Variants in RALA observed in about 807,000 individuals in gnomAD.
RALA encodes RAS like proto-oncogene A.
In RALA, 5 loss-of-function variants were observed where a neutral mutation model predicts 24.0. The observed-to-expected ratio is 0.21, with a 90% CI of 0.11 to 0.44. The LOEUF (loss-of-function observed/expected upper bound fraction) is 0.44. Among genes scored for constraint, RALA ranks in the 20% least tolerant of loss-of-function variants. RALA has a pLI of 0.99. For missense variants in RALA, 95 were observed against 241.2 expected (o/e 0.39, Z 4.01); for synonymous variants, 77 against 83.8 (o/e 0.92, Z 0.44).
chr7:39,646,638 G>C (rs1426235266), intron 1 of RALA, among the ~76,000 whole-genome samples: 1 of 152,106 alleles, frequency 6.6e-6, no homozygotes, highest in Non-Finnish European at 1.5e-5. Context: ...AAAAAAGATT[G>C]AACATTGAAT....
chr7:39,656,777 T>C (rs1409937304), intron 1 of RALA, among the ~76,000 whole-genome samples: 1 of 152,146 alleles, frequency 6.6e-6, no homozygotes, highest in African/African-American at 2.4e-5. Flanking sequence ...GCTCAGCCCA[T>C]CTCTTGATCT....
chr7:39,674,165 A>G lies in RALA; in HGVS notation c.-37-12466A>G, dbSNP rs572100933. 2.4e-3 allele frequency among the ~76,000 whole-genome samples: 370 copies of G among 152,256 alleles called. 2 individuals are homozygous for G. The highest frequency in any genetic ancestry group is 8.7e-3 in the African/African-American group (360 of 41,560). On this transcript the variant is annotated intron_variant, in intron 1 of 4. Transcript: ENST00000005257. Reference sequence around the variant, plus strand: ...CAAAATCATATCTCACTGTAACCTCAAACTCCTGGGCTCAAACCATCCTCC... The same window carrying G: ...CAAAATCATATCTCACTGTAACCTCGAACTCCTGGGCTCAAACCATCCTCC...
chr7:39,647,846 C>CT (rs1694826232), intron 1 of RALA, among the ~76,000 whole-genome samples: 1 of 152,178 alleles, frequency 6.6e-6, no homozygotes, highest in Non-Finnish European at 1.5e-5. Context: ...GACTCCAGAA[C>CT]TGTAAGAAAT....
At chr7:39,693,133 G>A (rs1002728320) in intron 3 of RALA, among the ~76,000 whole-genome samples, 2 of 152,132 alleles carry the variant, frequency 1.3e-5, no homozygotes, top group African/African-American at 4.8e-5. Context: ...GTTTACTGCG[G>A]CACTACTCAC....
At chr7:39,668,987 GCCTGTAGT>G (rs1792333842) in intron 1 of RALA, among the ~76,000 whole-genome samples, 1 of 151,832 alleles carries the variant, frequency 6.6e-6, no homozygotes, top group African/African-American at 2.4e-5. Flanking sequence ...GGTGGCGGTT[GCCTGTAGT>G]CCCAGCTACT....
intron 1 of RALA, among the ~76,000 whole-genome samples, chr7:39,627,229 A>T (rs1791507479): frequency 6.6e-6 from 1 of 152,196 alleles, no homozygotes; most frequent in Non-Finnish European, 1.5e-5. Context: ...AAAAAAAGAA[A>T]TTAAAGTTCT....
chr7:39,633,896 G>A (rs945768580), intron 1 of RALA, among the ~76,000 whole-genome samples: 2 of 152,138 alleles, frequency 1.3e-5, no homozygotes, highest in Admixed American at 6.5e-5. Flanking sequence ...CCCAAGTTCT[G>A]GAGAGTGTTT....
chr7:39,685,085 C>A (rs981833890), intron 1 of RALA, among the ~76,000 whole-genome samples: 5 of 152,070 alleles, frequency 3.3e-5, no homozygotes, highest in African/African-American at 7.2e-5. Context: ...TACTTTGGCG[C>A]CAACCTAATA....
chr7:39,643,767 G>A (rs1193214419), intron 1 of RALA, among the ~76,000 whole-genome samples: 1 of 152,240 alleles, frequency 6.6e-6, no homozygotes, highest in East Asian at 1.9e-4. Context: ...TGAGGCAGGA[G>A]AACGGCTTGA....
intron 4 of RALA, among the ~76,000 whole-genome samples, chr7:39,697,211 C>A (rs563317178): frequency 6.6e-6 from 1 of 152,262 alleles, no homozygotes; most frequent in South Asian, 2.1e-4. Flanking sequence ...TTACCTCTGA[C>A]CTGACATCTA....
intron 4 of RALA, among the ~76,000 whole-genome samples, chr7:39,701,504 C>A (rs1428197234): frequency 1.3e-5 from 2 of 152,092 alleles, no homozygotes; most frequent in African/African-American, 2.4e-5. Context: ...GGGAGTGAGA[C>A]CCTATCTCAA....
At chr7:39,676,168 G>T (rs996157693) in intron 1 of RALA, among the ~76,000 whole-genome samples, 1 of 152,034 alleles carries the variant, frequency 6.6e-6, no homozygotes, top group African/African-American at 2.4e-5. Flanking sequence ...GTAGATACGG[G>T]GTTCCACTGT....
At chr7:39,668,638 A>G (rs1210764705) in intron 1 of RALA, among the ~76,000 whole-genome samples, 2 of 151,806 alleles carry the variant, frequency 1.3e-5, no homozygotes, top group African/African-American at 2.4e-5. Context: ...TCTCTACTAA[A>G]AATACAAAAA....
intron 4 of RALA, among the ~76,000 whole-genome samples, chr7:39,698,205 T>C (rs1462430387): frequency 2.0e-5 from 3 of 152,122 alleles, no homozygotes; most frequent in Admixed American, 6.5e-5. Flanking sequence ...CCTACCCTAG[T>C]GACGTAATTA....
At chr7:39,671,103 C>G (rs1314464300) in intron 1 of RALA, among the ~76,000 whole-genome samples, 3 of 151,976 alleles carry the variant, frequency 2.0e-5, no homozygotes, top group Non-Finnish European at 4.4e-5. Context: ...TCCATCTGTC[C>G]CACCTCCCTA....
intron 1 of RALA, among the ~76,000 whole-genome samples, chr7:39,627,267 A>AT (rs1362242741): frequency 1.3e-5 from 2 of 152,156 alleles, no homozygotes; most frequent in Non-Finnish European, 2.9e-5. Flanking sequence ...GTATGAGTAA[A>AT]TTTTAGGTGA....
intron 1 of RALA, among the ~76,000 whole-genome samples, chr7:39,678,479 A>T (rs1792528553): frequency 6.6e-6 from 1 of 152,206 alleles, no homozygotes; most frequent in African/African-American, 2.4e-5. Flanking sequence ...AGCATGGTGT[A>T]GTTGTCTAGT....
intron 1 of RALA, among the ~76,000 whole-genome samples, chr7:39,655,901 G>A (rs76047895): frequency 0.016 from 2,419 of 152,240 alleles, 53 homozygotes; most frequent in African/African-American, 0.054. Flanking sequence ...AAAGAAATGC[G>A]CAGGGGCAGA....
At chr7:39,686,067 A>C (rs758883001) in intron 1 of RALA, among the ~76,000 whole-genome samples, 1 of 152,132 alleles carries the variant, frequency 6.6e-6, no homozygotes, top group African/African-American at 2.4e-5. Context: ...CTAGCCAAGC[A>C]TGGTGGTGCG....
Sources: gnomAD v4.1 joint callset for allele counts (sites outside exome capture counted in the v4.1 genomes callset) on GRCh38, gnomAD v4.1.1 for gene constraint, MANE v1.5 for transcripts, NCBI Gene and HGNC (gene_info 2026-07-23, HGNC 2026-07-21) for gene names.